The following RNF180 variants were observed in gnomAD, a reference collection of about 807,000 sequenced individuals.
RNF180 encodes the protein ring finger protein 180.
RNF180 carries 38 observed loss-of-function variants against 59.2 expected under a neutral mutation model. The ratio of observed to expected loss-of-function variants is 0.64; its 90% CI spans 0.50 to 0.84. The LOEUF (loss-of-function observed/expected upper bound fraction) is 0.84. Among genes scored for constraint, RNF180 ranks in the 40% least tolerant of loss-of-function variants. The probability of loss-of-function intolerance (pLI) is 0.00; values close to 1 mark genes in which losing one functional copy is unlikely to be tolerated. For synonymous variants in RNF180, 262 were observed against 240.3 expected, an observed-to-expected ratio of 1.09 and a Z score of -0.84; for missense variants, 705 against 700.9, an observed-to-expected ratio of 1.01 and a Z score of -0.07.
chr5:64,174,956 G>GTTTTTTT (rs1750146672), intron 1 of RNF180, among the ~76,000 whole-genome samples: 1 of 102,598 alleles, frequency 9.7e-6, no homozygotes, highest in African/African-American at 4.6e-5. Context: ...CTTTAATCCA[G>GTTTTTTT]TTCTTTTTTT....
intron 2 of RNF180, among the ~76,000 whole-genome samples, chr5:64,206,464 C>T (rs1411178613): frequency 6.6e-6 from 1 of 152,080 alleles, no homozygotes; most frequent in Non-Finnish European, 1.5e-5. Context: ...AGATAATTTG[C>T]TTATTTTCTC....
At chr5:64,223,250 ATCT>A (rs1741466548) in intron 5 of RNF180, among the ~76,000 whole-genome samples, 1 of 152,046 alleles carries the variant, frequency 6.6e-6, no homozygotes, top group Non-Finnish European at 1.5e-5. Context: ...CTTTCATCAC[ATCT>A]TCTTTCTGAC....
At position 64,289,647 on chromosome 5, in the gene RNF180, A is replaced by C. The variant is rs546345403; in HGVS notation, c.1228-35539A>C. Among the ~76,000 whole-genome samples, 15 of 152,134 alleles carry C rather than the reference A, an allele frequency of 9.9e-5. 2 individuals carry two copies. Among genetic ancestry groups the C allele is most frequent in the African/African-American group, 3.6e-4 (15 of 41,514 alleles). On this transcript the variant is annotated intron_variant, in intron 5 of 7. Coordinates refer to ENST00000389100, the MANE Select transcript of RNF180 (RefSeq NM_001113561.2). Reference sequence around the variant, plus strand: ...GGTGTATGTGTCTAGGAACGTATTCATGTCTTCTAGATTTTCTAGTTTATG... The same window carrying C: ...GGTGTATGTGTCTAGGAACGTATTCCTGTCTTCTAGATTTTCTAGTTTATG...
chr5:64,192,551 A>G (rs1356885904), intron 1 of RNF180, among the ~76,000 whole-genome samples: 1 of 151,972 alleles, frequency 6.6e-6, no homozygotes, highest in African/African-American at 2.4e-5. Context: ...GCGTGCCTGT[A>G]ATCCCAGCTA....
chr5:64,367,070 A>C (rs1266360185), intron 7 of RNF180, among the ~76,000 whole-genome samples: 11 of 151,604 alleles, frequency 7.3e-5, no homozygotes, highest in Admixed American at 6.6e-4. Context: ...GACATATTCA[A>C]AGTGCTGAAG....
chr5:64,253,370 G>A (rs1177987608), intron 5 of RNF180, among the ~76,000 whole-genome samples: 1 of 151,944 alleles, frequency 6.6e-6, no homozygotes, highest in Non-Finnish European at 1.5e-5. Context: ...TATCCCTCTT[G>A]TCATTTAACC....
At chr5:64,239,550 G>A (rs546447052) in intron 5 of RNF180, among the ~76,000 whole-genome samples, 7 of 151,962 alleles carry the variant, frequency 4.6e-5, no homozygotes, top group African/African-American at 9.7e-5. Context: ...TTGAAATAAC[G>A]TTTCTCAGTT....
chr5:64,195,444 T>C (rs1277160245), intron 1 of RNF180, among the ~76,000 whole-genome samples: 1 of 152,152 alleles, frequency 6.6e-6, no homozygotes, highest in African/African-American at 2.4e-5. Flanking sequence ...AGGGGTGTGT[T>C]CTCCCCAGTT....
At position 64,325,177 on chromosome 5, in the gene RNF180, G is replaced by C; in HGVS notation, c.1228-9G>C. On this transcript the variant is annotated splice_polypyrimidine_tract_variant and intron_variant, in intron 5 of 7. Coordinates refer to ENST00000389100, the MANE Select transcript of RNF180 (RefSeq NM_001113561.2). ...TAAATTAAGAAAAAAGTTTTCTTAT[G>C]TTTTGCAGACTTTGAATAATGAGAT... The C allele has an allele frequency of 6.5e-7, 1 of 1,532,628 alleles. No homozygotes were observed. Among genetic ancestry groups the C allele is most frequent in the Non-Finnish European group, 8.8e-7 (1 of 1,130,372 alleles). The allele number at this position is 1,532,628 out of a possible 1,614,324, so 94.9% of individuals were successfully genotyped here.
chr5:64,187,419 T>C (rs941410882), intron 1 of RNF180, among the ~76,000 whole-genome samples: 11 of 152,156 alleles, frequency 7.2e-5, no homozygotes, highest in East Asian at 1.9e-4. Flanking sequence ...AAAATACTTA[T>C]AGATGTGAAC....
chr5:64,255,202 T>C (rs899248988), intron 5 of RNF180, among the ~76,000 whole-genome samples: 37 of 152,172 alleles, frequency 2.4e-4, no homozygotes, highest in African/African-American at 7.5e-4. Flanking sequence ...CTGAACACTT[T>C]CTTTTTTTAT....
intron 1 of RNF180, among the ~76,000 whole-genome samples, chr5:64,183,128 G>A (rs1750696256): frequency 6.6e-6 from 1 of 152,124 alleles, no homozygotes; most frequent in Admixed American, 6.5e-5. Context: ...CTCATCCTTA[G>A]AAATCTCAAG....
chr5:64,294,063 C>T (rs775145520), intron 5 of RNF180, among the ~76,000 whole-genome samples: 23 of 152,116 alleles, frequency 1.5e-4, no homozygotes, highest in African/African-American at 3.9e-4. Context: ...TCAAGTAGAA[C>T]GATCTCCAAC....
chr5:64,191,000 T>C (rs1464287312), intron 1 of RNF180, among the ~76,000 whole-genome samples: 2 of 152,242 alleles, frequency 1.3e-5, no homozygotes. Context: ...GCAGCGTTGA[T>C]ACTAAATTTC....
At chr5:64,268,993 A>G (rs1024665432) in intron 5 of RNF180, among the ~76,000 whole-genome samples, 3 of 152,088 alleles carry the variant, frequency 2.0e-5, no homozygotes, top group Admixed American at 6.6e-5. Flanking sequence ...TTTGTTGCAT[A>G]CCTACATCCA....
At chr5:64,275,934 A>G (rs1442451933) in intron 5 of RNF180, among the ~76,000 whole-genome samples, 2 of 152,024 alleles carry the variant, frequency 1.3e-5, no homozygotes, top group Admixed American at 1.3e-4. Context: ...AGTGGGATGA[A>G]GTGAGCTTCC....
chr5:64,267,022 T>G (rs886986588), intron 5 of RNF180, among the ~76,000 whole-genome samples: 1 of 152,114 alleles, frequency 6.6e-6, no homozygotes, highest in Non-Finnish European at 1.5e-5. Flanking sequence ...TATTAGTATG[T>G]TTAATTTTAG....
intron 7 of RNF180, among the ~76,000 whole-genome samples, chr5:64,349,036 ATAAG>A (rs1175151720): frequency 3.3e-5 from 5 of 152,116 alleles, no homozygotes; most frequent in African/African-American, 1.2e-4. Flanking sequence ...AGATTGCTAA[ATAAG>A]TAACCTCTAA....
intron 6 of RNF180, among the ~76,000 whole-genome samples, chr5:64,327,258 GT>G (rs1744688054): frequency 6.6e-6 from 1 of 151,660 alleles, no homozygotes; most frequent in Admixed American, 6.6e-5. Context: ...TAATTTTGTT[GT>G]TGTTTTCTTA....
Sources: gnomAD v4.1 joint callset for allele counts (sites outside exome capture counted in the v4.1 genomes callset) on GRCh38, gnomAD v4.1.1 for gene constraint, MANE v1.5 for transcripts, NCBI Gene and HGNC (gene_info 2026-07-23, HGNC 2026-07-21) for gene names.